ERC1: variants seen among roughly 807,000 people sequenced by gnomAD.
ERC1 encodes RAB6 interacting protein 2.
ERC1 carries 56 observed loss-of-function variants against 132.0 expected under a neutral mutation model. The ratio of observed to expected loss-of-function variants is 0.42; its 90% CI spans 0.34 to 0.53. The LOEUF is 0.53. Among genes scored for constraint, ERC1 ranks in the 20% least tolerant of loss-of-function variants. ERC1 has a pLI of 0.03. For synonymous variants in ERC1, 478 were observed against 476.1 expected, an observed-to-expected ratio of 1.00 and a Z score of -0.05; for missense variants, 1,202 against 1,349.9, an observed-to-expected ratio of 0.89 and a Z score of 1.72.
intron 2 of ERC1, among the ~76,000 whole-genome samples, chr12:1,050,243 G>A (rs1471727973): frequency 6.6e-6 from 1 of 152,170 alleles, no homozygotes; most frequent in African/African-American, 2.4e-5. Context: ...GGAACAGGAC[G>A]TCAGGATAAG....
chr12:1,259,716 G>A (rs2077031837), intron 13 of ERC1, among the ~76,000 whole-genome samples: 2 of 151,814 alleles, frequency 1.3e-5, no homozygotes, highest in South Asian at 2.1e-4. Flanking sequence ...GTAGAGACGG[G>A]GTTTCACCAT....
chr12:1,205,367 A>ATG (rs1009684006), intron 12 of ERC1, among the ~76,000 whole-genome samples: 29 of 150,146 alleles, frequency 1.9e-4, no homozygotes, highest in South Asian at 4.2e-4. Flanking sequence ...GATTATATAT[A>ATG]TGTGTGTGTG....
chr12:1,093,586 C>T (rs2154193241), intron 3 of ERC1, among the ~76,000 whole-genome samples: 1 of 152,208 alleles, frequency 6.6e-6, no homozygotes, highest in East Asian at 1.9e-4. Context: ...TACTTAAATG[C>T]TGGTATGCTA....
chr12:1,328,237 C>T (rs1036045648), intron 15 of ERC1, among the ~76,000 whole-genome samples: 19 of 152,108 alleles, frequency 1.2e-4, no homozygotes, highest in Non-Finnish European at 2.6e-4. Context: ...ACCTCAACCT[C>T]CCAGGCTCAA....
At chr12:1,034,424 A>C (rs1172006760) in intron 2 of ERC1, among the ~76,000 whole-genome samples, 1 of 152,104 alleles carries the variant, frequency 6.6e-6, no homozygotes, top group Non-Finnish European at 1.5e-5. Flanking sequence ...AAATAAATAA[A>C]AAAATAAATA....
At chr12:1,305,100 C>G (rs1053883347) in intron 15 of ERC1, among the ~76,000 whole-genome samples, 1 of 152,082 alleles carries the variant, frequency 6.6e-6, no homozygotes, top group African/African-American at 2.4e-5. Context: ...AACTCTTAAA[C>G]GAGGACTTGT....
chr12:1,111,076 G>T (rs191442003), intron 5 of ERC1, among the ~76,000 whole-genome samples: 1 of 152,178 alleles, frequency 6.6e-6, no homozygotes, highest in Non-Finnish European at 1.5e-5. Flanking sequence ...GTAACGGAAA[G>T]CCCTTTCTTT....
In ERC1 at chr12:1,027,947, G is replaced by C; in HGVS notation, c.44G>C (p.Ser15Thr). 6.2e-7 allele frequency: 1 copy of C among 1,613,324 alleles called. No individual in the cohort carries two copies. The highest frequency in any genetic ancestry group is 8.5e-7 in the Non-Finnish European group (1 of 1,179,380). ...TCTGTTGGGAAGGTGGAGCCGAGCA[G>C]CCAGAGCCCTGGGCGTTCACCCAGG... ...ARSVGKVEPS[S>T]QSPGRSPRLP... The change falls in exon 2 of 19, where the codon AGC becomes ACC. Residue 15 changes from serine to threonine, a missense_variant. Physicochemically the swap from Ser to Thr is moderately conservative, Grantham distance 58 (BLOSUM62 1). Transcript: ENST00000360905.
chr12:1,404,490 G>T (rs527900763), intron 16 of ERC1, among the ~76,000 whole-genome samples: 12 of 152,144 alleles, frequency 7.9e-5, no homozygotes, highest in African/African-American at 2.6e-4. Context: ...TGCTGGGAGA[G>T]CAAAAACAGA....
chr12:1,146,814 C>G (rs1950422848), intron 8 of ERC1, among the ~76,000 whole-genome samples: 1 of 151,356 alleles, frequency 6.6e-6, no homozygotes, highest in East Asian at 1.9e-4. Flanking sequence ...TGATGTTCCC[C>G]TTCCTGTGTC....
At chr12:1,204,269 TG>T (rs1957164393) in intron 12 of ERC1, among the ~76,000 whole-genome samples, 1 of 151,316 alleles carries the variant, frequency 6.6e-6, no homozygotes, top group South Asian at 2.1e-4. Context: ...TTTTTTTTTT[TG>T]AGAAACTTTC....
chr12:1,416,391 A>G (rs189504725), intron 17 of ERC1, among the ~76,000 whole-genome samples: 58 of 152,274 alleles, frequency 3.8e-4, no homozygotes, highest in Admixed American at 3.6e-3. Flanking sequence ...GGAGGTTCCA[A>G]CCTAAGAATG....
At chr12:1,292,707 G>C (rs2079539978) in intron 15 of ERC1, among the ~76,000 whole-genome samples, 1 of 152,170 alleles carries the variant, frequency 6.6e-6, no homozygotes, top group Non-Finnish European at 1.5e-5. Flanking sequence ...GAGTACAATT[G>C]TGATTAAGAG....
Position 1,359,518 on chromosome 12 carries a change from T to C in ERC1, c.2781-12315T>C, listed in dbSNP as rs146028899. On this transcript the variant is annotated intron_variant, in intron 15 of 18. Coordinates refer to ENST00000360905, the MANE Select transcript of ERC1 (RefSeq NM_178040.4). ...GTCTTTTTGCTGTGTCATCCCACGG[T>C]GGAAGGGCAAAGAGGGTAAGAGAAA... Among the ~76,000 whole-genome samples the C allele has an allele frequency of 1.1e-3, 173 of 152,188 alleles. 6 individuals carry two copies. In the East Asian group the frequency reaches 0.027, roughly 24 times the overall value.
Position 1,444,659 on chromosome 12 carries a change from T to TC in ERC1, c.3124dup (p.Leu1042ProfsTer11). On this transcript the variant is annotated frameshift_variant, in exon 18 of 19. Transcript: ENST00000360905. LOFTEE classifies it high-confidence loss of function. The stretch of plus-strand genomic sequence containing the variant: ...CTCTGCCATGACCGAGACCCCCTGA[T>TC]CCTCCGTGGACTCACTCCACCAGCT... 6.2e-7 allele frequency: 1 copy of TC among 1,614,086 alleles called. No homozygotes were observed. Among genetic ancestry groups the TC allele is most frequent in the Non-Finnish European group, 8.5e-7 (1 of 1,179,958 alleles).
At chr12:1,392,470 T>A (rs563730872) in intron 16 of ERC1, among the ~76,000 whole-genome samples, 1 of 152,350 alleles carries the variant, frequency 6.6e-6, no homozygotes, top group East Asian at 1.9e-4. Context: ...TTTTAAGTTA[T>A]AATTTTCATT....
At position 1,155,514 on chromosome 12, in the gene ERC1, C is replaced by T. The variant is rs575257153; in HGVS notation, c.1737+13727C>T. Among the ~76,000 whole-genome samples, 8 of 151,526 alleles carry T rather than the reference C, an allele frequency of 5.3e-5. 1 individual carries two copies. In the East Asian group the frequency reaches 7.8e-4, roughly 15 times the overall value. On this transcript the variant is annotated intron_variant, in intron 8 of 18. Transcript: ENST00000360905. The stretch of plus-strand genomic sequence containing the variant: ...TTTTTGAGACGGAGTCTCGCTCTGT[C>T]GCCCAGGCTGGATTGCAGTGGCGCC...
At chr12:1,418,595 CTTTCTTTCTTTCTT>C (rs1565395126) in intron 17 of ERC1, among the ~76,000 whole-genome samples, 520 of 38,028 alleles carry the variant, frequency 0.014, 5 homozygotes, top group Middle Eastern at 0.043. Flanking sequence ...CTTTCTCTTT[CTTTCTTTCTTTCTT>C]TCTTTCTTTC....
intron 13 of ERC1, among the ~76,000 whole-genome samples, chr12:1,258,355 T>C (rs1187873159): frequency 2.2e-4 from 33 of 152,174 alleles, no homozygotes; most frequent in Non-Finnish European, 2.9e-5. Flanking sequence ...ATATGGACTT[T>C]TTGAAGGAGA....
Sources: gnomAD v4.1 joint callset for allele counts (sites outside exome capture counted in the v4.1 genomes callset) on GRCh38, gnomAD v4.1.1 for gene constraint, MANE v1.5 for transcripts, NCBI Gene and HGNC (gene_info 2026-07-23, HGNC 2026-07-21) for gene names.